CYP2J2: variants seen among roughly 807,000 people sequenced by gnomAD.
CYP2J2 encodes cytochrome P450 family 2 subfamily J member 2.
A neutral mutation model predicts 48.8 loss-of-function variants in CYP2J2; 41 were observed. That is an observed-to-expected ratio of 0.84 (90% confidence interval 0.66 to 1.09). The LOEUF (loss-of-function observed/expected upper bound fraction) is 1.09. CYP2J2 is among the 50% of genes least tolerant of loss of function. The pLI, the probability that CYP2J2 is intolerant of heterozygous loss-of-function variation, is 0.00. For synonymous variants in CYP2J2, 221 were observed against 227.1 expected (o/e 0.97, Z 0.24); for missense variants, 644 against 617.3 (o/e 1.04, Z -0.46).
At chr1:59,930,725 TTTA>T (rs1644598836), upstream of CYP2J2, among the ~76,000 whole-genome samples, 1 of 152,074 alleles carries the variant, frequency 6.6e-6, no homozygotes, top group South Asian at 2.1e-4. Context: ...AAGCAGATGG[TTTA>T]TTTTTTTTTA....
the CYP2J2 span, among the ~76,000 whole-genome samples, chr1:59,936,200 T>C: frequency 6.6e-6 from 1 of 152,246 alleles, no homozygotes; most frequent in Non-Finnish European, 1.5e-5. Flanking sequence ...TAGGTGCTAT[T>C]GTCTTAATTT....
chr1:59,935,476 T>C, the CYP2J2 span, among the ~76,000 whole-genome samples: 1,691 of 152,290 alleles, frequency 0.011, 25 homozygotes, highest in African/African-American at 0.038. Flanking sequence ...CAGTAATCAC[T>C]TCATAATGTA....
At chr1:59,901,137 G>T in intron 7 of CYP2J2, 34 bp from the exon 8 acceptor site, 1 of 1,603,330 alleles carries the variant, frequency 6.2e-7, no homozygotes. Context: ...GGCAAGGCTT[G>T]ACCCATGAAA....
At chr1:59,924,237 TA>T (rs1179181431) in intron 1 of CYP2J2, among the ~76,000 whole-genome samples, 3 of 152,132 alleles carry the variant, frequency 2.0e-5, no homozygotes, top group Non-Finnish European at 4.4e-5. Flanking sequence ...GTGAAATAAA[TA>T]CATTCTTAGA....
the CYP2J2 span, among the ~76,000 whole-genome samples, chr1:59,965,081 G>T: frequency 6.6e-6 from 1 of 152,164 alleles, no homozygotes; most frequent in Non-Finnish European, 1.5e-5. Context: ...AAAAATAGAG[G>T]AGTAAAGAGT....
the CYP2J2 span, among the ~76,000 whole-genome samples, chr1:59,947,284 T>A: frequency 6.6e-6 from 1 of 152,182 alleles, no homozygotes; most frequent in Non-Finnish European, 1.5e-5. Flanking sequence ...ATCTGTGTAG[T>A]TTGAAAACTA....
the CYP2J2 span, among the ~76,000 whole-genome samples, chr1:59,938,823 C>T: frequency 6.6e-6 from 1 of 152,254 alleles, no homozygotes; most frequent in Non-Finnish European, 1.5e-5. Flanking sequence ...TTGGACAATA[C>T]CCGGCTTTCC....
At chr1:59,926,853 C>T, upstream of CYP2J2, 1 of 1,047,462 alleles carries the variant, frequency 9.5e-7, no homozygotes, top group Non-Finnish European at 1.4e-6. Flanking sequence ...TCCCAGCCCG[C>T]CCCTTCGCAG....
the CYP2J2 span, among the ~76,000 whole-genome samples, chr1:59,939,604 C>T: frequency 3.3e-5 from 5 of 152,262 alleles, no homozygotes; most frequent in East Asian, 3.9e-4. Context: ...CCTATGTTTA[C>T]GCAAGGCTCT....
rs1178662215 is a variant in CYP2J2 at position 59,896,673 on chromosome 1, A to G, written c.1331-2844T>C. ...GTCCTCCTCACCCCACCTGGGCTAC[A>G]TTACCCCACACAAGTCACTACCACC... On this transcript the variant is annotated intron_variant, in intron 8 of 8. Transcript: ENST00000371204. Among the ~76,000 whole-genome samples, 3 of 151,860 alleles carry G rather than the reference A, an allele frequency of 2.0e-5. No individual in the cohort carries two copies. The South Asian group carries it at 6.3e-4, about 32-fold the overall frequency.
intron 7 of CYP2J2, 64 bp downstream of exon 7, chr1:59,904,807 T>C (rs1483096833): frequency 7.3e-7 from 1 of 1,360,776 alleles, no homozygotes; most frequent in Non-Finnish European, 1.0e-6. Context: ...CAAGAATAAA[T>C]GTCACTTCTC....
chr1:59,937,209 C>T, the CYP2J2 span, among the ~76,000 whole-genome samples: 1 of 152,298 alleles, frequency 6.6e-6, no homozygotes, highest in South Asian at 2.1e-4. Flanking sequence ...AACAGCACAA[C>T]AGCCATATTC....
chr1:59,943,641 G>A, the CYP2J2 span, among the ~76,000 whole-genome samples: 2 of 151,912 alleles, frequency 1.3e-5, no homozygotes, highest in Non-Finnish European at 2.9e-5. Flanking sequence ...CTGAGTTCAA[G>A]AGCTTTCAAA....
chr1:59,902,118 A>G lies in CYP2J2; in HGVS notation c.1192-1015T>C, dbSNP rs11572302. On this transcript the variant is annotated intron_variant, in intron 7 of 8. Transcript: ENST00000371204. ...TTTAAATGCTATTTGCCTTGCCAGG[A>G]ATGTTCCTCCTCCCCACTTTGTCAT... is the stretch of plus-strand genomic sequence containing the variant. Among the ~76,000 whole-genome samples, 126 of 152,238 alleles carry G rather than the reference A, an allele frequency of 8.3e-4. 2 individuals carry two copies. The East Asian group carries it at 0.012, about 15-fold the overall frequency.
At chr1:59,937,265 T>G in the CYP2J2 span, among the ~76,000 whole-genome samples, 1 of 152,222 alleles carries the variant, frequency 6.6e-6, no homozygotes, top group East Asian at 1.9e-4. Flanking sequence ...ATCTATTTTT[T>G]GAAAGCCATG....
chr1:59,956,429 T>A, the CYP2J2 span, among the ~76,000 whole-genome samples: 1 of 152,170 alleles, frequency 6.6e-6, no homozygotes, highest in East Asian at 1.9e-4. Flanking sequence ...TTTGAACTTA[T>A]GAATATGAGT....
chr1:59,960,365 G>A, the CYP2J2 span, among the ~76,000 whole-genome samples: 1 of 152,138 alleles, frequency 6.6e-6, no homozygotes, highest in Non-Finnish European at 1.5e-5. Context: ...ACTTTTCTCA[G>A]CCATTGGTTG....
chr1:59,924,617 T>A (rs1217405514), intron 1 of CYP2J2, among the ~76,000 whole-genome samples: 1 of 152,042 alleles, frequency 6.6e-6, no homozygotes, highest in East Asian at 1.9e-4. Flanking sequence ...CATCTGCATA[T>A]CGTAATCCTT....
At position 59,924,289 on chromosome 1, in the gene CYP2J2, C is replaced by T. The variant is rs193266136; in HGVS notation, c.210+2248G>A. Among the ~76,000 whole-genome samples, 3 of 151,938 alleles carry T rather than the reference C, an allele frequency of 2.0e-5. No individual in the cohort carries two copies. The East Asian group carries it at 5.8e-4, about 29-fold the overall frequency. On this transcript the variant is annotated intron_variant, in intron 1 of 8. Transcript: ENST00000371204. ...AGAATTTCTTGCCAGTACACCTGCA[C>T]TAAAAGAATATCTAAAGATAGTTCT...
Sources: gnomAD v4.1 joint callset for allele counts (sites outside exome capture counted in the v4.1 genomes callset) on GRCh38, gnomAD v4.1.1 for gene constraint, MANE v1.5 for transcripts, NCBI Gene and HGNC (gene_info 2026-07-23, HGNC 2026-07-21) for gene names.